Variants in XKR4 observed in about 807,000 individuals in gnomAD.
XKR4 encodes the protein XK-related protein 4.
XKR4 carries 12 observed loss-of-function variants against 53.9 expected under a neutral mutation model. The ratio of observed to expected loss-of-function variants is 0.22; its 90% CI spans 0.14 to 0.36. The LOEUF (loss-of-function observed/expected upper bound fraction) is 0.36. Among genes scored for constraint, XKR4 ranks in the 10% least tolerant of loss-of-function variants. The pLI, the probability that XKR4 is intolerant of heterozygous loss-of-function variation, is 1.00. For missense variants in XKR4, 799 were observed against 859.5 expected, an observed-to-expected ratio of 0.93 and a Z score of 0.88; for synonymous variants, 354 against 362.4, an observed-to-expected ratio of 0.98 and a Z score of 0.26.
intron 1 of XKR4, among the ~76,000 whole-genome samples, chr8:55,319,606 C>A (rs551042974): frequency 3.3e-5 from 5 of 152,240 alleles, no homozygotes; most frequent in Non-Finnish European, 7.4e-5. Flanking sequence ...AATCTTGTTT[C>A]TGGAAGAGCT....
At chr8:55,416,724 T>C (rs578246725) in intron 2 of XKR4, among the ~76,000 whole-genome samples, 41 of 152,340 alleles carry the variant, frequency 2.7e-4, no homozygotes, top group Non-Finnish European at 4.6e-4. Context: ...CGTTTAGCTA[T>C]ATTGTATCTA....
At chr8:55,461,173 C>T (rs1805650595) in intron 2 of XKR4, among the ~76,000 whole-genome samples, 1 of 152,242 alleles carries the variant, frequency 6.6e-6, no homozygotes, top group African/African-American at 2.4e-5. Context: ...GGCAGCCTGC[C>T]TCCTCAAGTG....
chr8:55,293,409 A>C lies in XKR4; in HGVS notation c.807-64269A>C, dbSNP rs144675844. On this transcript the variant is annotated intron_variant, in intron 1 of 2. Transcript: ENST00000327381. ...AAGAAGAAGGAACAAGTGCGAAATTATAAATGTTCAGTTGTAATCATTTAA... is the reference window on the plus strand; with the variant it reads ...AAGAAGAAGGAACAAGTGCGAAATTCTAAATGTTCAGTTGTAATCATTTAA... 2.3e-3 allele frequency among the ~76,000 whole-genome samples: 343 copies of C among 152,362 alleles called. 1 individual carries two copies. The highest frequency in any genetic ancestry group is 7.7e-3 in the African/African-American group (321 of 41,582).
At chr8:55,453,015 G>C (rs1011033043) in intron 2 of XKR4, 1 of 662,700 alleles carries the variant, frequency 1.5e-6, no homozygotes, top group African/African-American at 1.8e-5. Flanking sequence ...TTCTAGGGCA[G>C]AGTGCTCTCT....
At chr8:55,261,329 C>T (rs1396578546) in intron 1 of XKR4, among the ~76,000 whole-genome samples, 1 of 152,148 alleles carries the variant, frequency 6.6e-6, no homozygotes, top group African/African-American at 2.4e-5. Flanking sequence ...CTAGACCTAG[C>T]CATATATAGA....
At position 55,260,009 on chromosome 8, in the gene XKR4, T is replaced by C. The variant is rs142852086; in HGVS notation, c.807-97669T>C. Among the ~76,000 whole-genome samples the C allele has an allele frequency of 8.8e-3, 1,327 of 151,434 alleles. 14 individuals carry two copies. The highest frequency in any genetic ancestry group is 0.011 in the Non-Finnish European group (768 of 67,872). On this transcript the variant is annotated intron_variant, in intron 1 of 2. Coordinates refer to ENST00000327381, the MANE Select transcript of XKR4 (RefSeq NM_052898.2). The stretch of plus-strand genomic sequence containing the variant: ...CCTTAACACTTATCACTATCCAGGA[T>C]TCTCTGCAATTACTCCTCTATCTCA...
intron 1 of XKR4, among the ~76,000 whole-genome samples, chr8:55,157,581 T>C (rs975107630): frequency 2.6e-5 from 4 of 152,182 alleles, no homozygotes; most frequent in African/African-American, 9.7e-5. Context: ...AGGTAAATTG[T>C]GTGTCATGGG....
intron 1 of XKR4, among the ~76,000 whole-genome samples, chr8:55,171,980 G>A (rs57440256): frequency 0.058 from 8,888 of 152,024 alleles, 429 homozygotes; most frequent in African/African-American, 0.13. Flanking sequence ...TTCCCTGGCC[G>A]AGGCAGGCAG....
intron 1 of XKR4, among the ~76,000 whole-genome samples, chr8:55,304,123 C>G (rs1316131673): frequency 2.0e-5 from 3 of 152,122 alleles, no homozygotes; most frequent in Admixed American, 1.3e-4. Flanking sequence ...CCTGCTTTCT[C>G]TTGTGGGCAT....
At chr8:55,202,525 T>C (rs1458863493) in intron 1 of XKR4, among the ~76,000 whole-genome samples, 1 of 152,188 alleles carries the variant, frequency 6.6e-6, no homozygotes, top group African/African-American at 2.4e-5. Context: ...TGCTCAGCAT[T>C]TGGCTTACTA....
chr8:55,125,011 T>G (rs1749975067), intron 1 of XKR4, among the ~76,000 whole-genome samples: 1 of 152,242 alleles, frequency 6.6e-6, no homozygotes, highest in South Asian at 2.1e-4. Context: ...CAGCCAATTG[T>G]GGCAACATCT....
chr8:55,399,392 A>T (rs1804567131), intron 2 of XKR4, among the ~76,000 whole-genome samples: 1 of 152,256 alleles, frequency 6.6e-6, no homozygotes, highest in African/African-American at 2.4e-5. Context: ...GTAGCTAAAC[A>T]ATAGGTTTGT....
intron 1 of XKR4, among the ~76,000 whole-genome samples, chr8:55,222,646 T>C (rs1399707705): frequency 6.6e-6 from 1 of 152,198 alleles, no homozygotes; most frequent in Non-Finnish European, 1.5e-5. Flanking sequence ...TCCATAAAGG[T>C]AGAACTTTGT....
At chr8:55,498,058 C>T (rs2975983) in intron 2 of XKR4, among the ~76,000 whole-genome samples, 69,874 of 151,998 alleles carry the variant, frequency 0.46, 17,340 homozygotes, top group African/African-American at 0.65. Context: ...TGCAGGGCTC[C>T]GCTTGGGGTT....
At chr8:55,144,396 A>T (rs1816744235) in intron 1 of XKR4, among the ~76,000 whole-genome samples, 1 of 152,182 alleles carries the variant, frequency 6.6e-6, no homozygotes, top group African/African-American at 2.4e-5. Flanking sequence ...ATTCTATAAT[A>T]AGAAAGCCAA....
intron 1 of XKR4, among the ~76,000 whole-genome samples, chr8:55,357,227 A>G (rs1443765937): frequency 6.6e-6 from 1 of 152,212 alleles, no homozygotes; most frequent in Non-Finnish European, 1.5e-5. Context: ...GGGAATTTGC[A>G]ATAATAAAAA....
intron 2 of XKR4, among the ~76,000 whole-genome samples, chr8:55,505,451 T>A (rs542472776): frequency 6.6e-6 from 1 of 152,282 alleles, no homozygotes; most frequent in Non-Finnish European, 1.5e-5. Flanking sequence ...CCTGAGAAGC[T>A]GATATAGGAG....
intron 2 of XKR4, among the ~76,000 whole-genome samples, chr8:55,398,378 G>C (rs1176778207): frequency 6.6e-6 from 1 of 152,138 alleles, no homozygotes; most frequent in African/African-American, 2.4e-5. Context: ...TTAGATATTG[G>C]TCCAGGGTTG....
intron 1 of XKR4, among the ~76,000 whole-genome samples, chr8:55,160,604 G>C (rs1464235313): frequency 6.6e-6 from 1 of 152,188 alleles, no homozygotes; most frequent in Non-Finnish European, 1.5e-5. Context: ...CTCCCTCAGA[G>C]GGATTCACAT....
Sources: gnomAD v4.1 joint callset for allele counts (sites outside exome capture counted in the v4.1 genomes callset) on GRCh38, gnomAD v4.1.1 for gene constraint, MANE v1.5 for transcripts, NCBI Gene and HGNC (gene_info 2026-07-23, HGNC 2026-07-21) for gene names.